JRK: variants seen among roughly 807,000 people sequenced by gnomAD.
The protein encoded by JRK is Jrk helix-turn-helix protein.
For synonymous variants in JRK, 303 were observed against 218.1 expected (o/e 1.39, Z -3.43); for missense variants, 720 against 509.2 (o/e 1.41, Z -3.98).
In JRK at chr8:142,664,807, T is replaced by A; in HGVS notation, c.1252A>T (p.Ile418Phe). ...VKPHNKSFAH[I>F]LELVKEGSSC... ...GAGCCTTCCTTCACAAGCTCCAGGA[T>A]GTGTGCAAAGGACTTGTTGTGGGGC... is the stretch of plus-strand genomic sequence containing the variant. The change falls in exon 2 of 2, where the codon ATC becomes TTC. Residue 418 changes from isoleucine to phenylalanine, a missense_variant. Transcript: ENST00000612905. The A allele has an allele frequency of 6.3e-7, 1 of 1,598,118 alleles. No homozygotes were observed. The highest frequency in any genetic ancestry group is 8.5e-7 in the Non-Finnish European group (1 of 1,172,714).
the JRK span, among the ~76,000 whole-genome samples, chr8:142,647,447 G>C: frequency 2.0e-5 from 3 of 152,146 alleles, no homozygotes; most frequent in Non-Finnish European, 1.5e-5. Flanking sequence ...GAGGAACCTG[G>C]TGGGAGGTAA....
At position 142,664,024 on chromosome 8, in the gene JRK, C is replaced by A; in HGVS notation, c.*328G>T. 1 of 1,130,422 alleles carries A rather than the reference C, an allele frequency of 8.8e-7. No individual in the cohort carries two copies. The highest frequency in any genetic ancestry group is 1.1e-6 in the Non-Finnish European group (1 of 922,258). The allele number at this position is 1,130,422 out of a possible 1,614,324, so 70.0% of individuals were successfully genotyped here. A position where few individuals can be genotyped will look rare whatever the true frequency, so the allele number is the denominator to read the frequency against. Reference sequence around the variant, plus strand: ...CTCTGATACTGCAATGATCAGCCAGCGAACACGAGACCAGATCGGCTCAGC... The same window carrying A: ...CTCTGATACTGCAATGATCAGCCAGAGAACACGAGACCAGATCGGCTCAGC... On this transcript the variant is annotated 3_prime_UTR_variant, in exon 2 of 2. Transcript: ENST00000612905.
Position 142,662,753 on chromosome 8 carries a change from T to G in JRK, c.*1599A>C. On this transcript the variant is annotated 3_prime_UTR_variant, in exon 2 of 2. Transcript: ENST00000612905. ...TCCTTCATGAGAACAGAGGTTTCAG[T>G]GGAATCAACAGCAGACGCTGGAATG... 1 of 985,350 alleles carries G rather than the reference T, an allele frequency of 1.0e-6. No individual in the cohort carries two copies. The highest frequency in any genetic ancestry group is 1.2e-6 in the Non-Finnish European group (1 of 829,918). 61.0% of individuals were successfully genotyped at this position (985,350 alleles called of 1,614,324 possible).
In JRK at chr8:142,663,191, T is replaced by C; in HGVS notation, c.*1161A>G. The C allele has an allele frequency of 1.0e-6, 1 of 985,410 alleles. No homozygotes were observed. The highest frequency in any genetic ancestry group is 4.7e-5 in the South Asian group (1 of 21,280). 61.0% of individuals were successfully genotyped at this position (985,410 alleles called of 1,614,324 possible). A position where few individuals can be genotyped will look rare whatever the true frequency, so the allele number is the denominator to read the frequency against. On this transcript the variant is annotated 3_prime_UTR_variant, in exon 2 of 2. Transcript: ENST00000612905. ...GACAATGCACCTATTTTATGCTCGC[T>C]GAAAGACGAGGCTAATCACTGTGGA... is the stretch of plus-strand genomic sequence containing the variant.
At position 142,664,395 on chromosome 8, in the gene JRK, G is replaced by A; in HGVS notation, c.1664C>T (p.Ala555Val). Reference sequence around the variant, plus strand: ...GGATGAGCAGGGCAAGGGAGACTGAGCTGTGGCCCCACAGCCACCAGGGCC... The same window carrying A: ...GGATGAGCAGGGCAAGGGAGACTGAACTGTGGCCCCACAGCCACCAGGGCC... ...QEGPGGCGAT[A>V]QSPLPCSSTA... Residue 555 changes from alanine to valine, a missense_variant, in exon 2 of 2, where the codon GCT becomes GTT. Physicochemically the swap from Ala to Val is moderately conservative, Grantham distance 64. Coordinates refer to ENST00000612905, the MANE Select transcript of JRK (RefSeq NM_003724.4). The A allele has an allele frequency of 6.3e-7, 1 of 1,594,696 alleles. No homozygotes were observed. The highest frequency in any genetic ancestry group is 2.2e-5 in the East Asian group (1 of 44,490).
In JRK at chr8:142,661,350, C is replaced by T; in HGVS notation, c.*3002G>A. On this transcript the variant is annotated 3_prime_UTR_variant, in exon 2 of 2. Coordinates refer to ENST00000612905, the MANE Select transcript of JRK (RefSeq NM_003724.4). ...CCCTGAAAGTATGGCCTCTCCTGGG[C>T]ATCCCGAGGGATGGGAGCTCCCAGA... The T allele has an allele frequency of 1.0e-6, 1 of 985,514 alleles. No individual in the cohort carries two copies. The highest frequency in any genetic ancestry group is 1.2e-6 in the Non-Finnish European group (1 of 829,986). 61.0% of individuals were successfully genotyped at this position (985,514 alleles called of 1,614,324 possible).
rs942105189 is a variant in JRK, at chr8:142,662,044, G to A, written c.*2308C>T. 34 of 985,348 alleles carry A rather than the reference G, an allele frequency of 3.5e-5. 3 individuals are homozygous for A. The Admixed American group carries it at 1.5e-3, about 45-fold the overall frequency. The allele number at this position is 985,348 out of a possible 1,614,324, so 61.0% of individuals were successfully genotyped here. A position where few individuals can be genotyped will look rare whatever the true frequency, so the allele number is the denominator to read the frequency against. On this transcript the variant is annotated 3_prime_UTR_variant, in exon 2 of 2. Transcript: ENST00000612905. ...AGGAGGAGCAGGGCCCGAGTCCCCTGGGTGGCACAAGGGATTCCAGCCACA... is the reference window on the plus strand; with the variant it reads ...AGGAGGAGCAGGGCCCGAGTCCCCTAGGTGGCACAAGGGATTCCAGCCACA...
chr8:142,660,181 C>T lies in JRK; in HGVS notation c.*4171G>A. On this transcript the variant is annotated 3_prime_UTR_variant, in exon 2 of 2. Transcript: ENST00000612905. The stretch of plus-strand genomic sequence containing the variant: ...TCCCAGTAGGCAGCTGAGTCCAACG[C>T]AGTGCCCGAGAGCTCAGCCCTTGTC... The T allele has an allele frequency of 1.0e-6, 1 of 985,610 alleles. No homozygotes were observed. The highest frequency in any genetic ancestry group is 1.2e-6 in the Non-Finnish European group (1 of 830,052). 61.1% of individuals were successfully genotyped at this position (985,610 alleles called of 1,614,324 possible). A position where few individuals can be genotyped will look rare whatever the true frequency, so the allele number is the denominator to read the frequency against.
the JRK span, among the ~76,000 whole-genome samples, chr8:142,652,187 G>T: frequency 6.6e-6 from 1 of 152,164 alleles, no homozygotes; most frequent in Non-Finnish European, 1.5e-5. Flanking sequence ...TCAAAGGTCA[G>T]AGGCACCTCC....
In JRK at chr8:142,665,018, C is replaced by T. The variant is rs374859514; in HGVS notation, c.1041G>A (p.Pro347=). The change falls in exon 2 of 2, where the codon CCG becomes CCA. Residue 347 remains proline, a synonymous_variant. Coordinates refer to ENST00000612905, the MANE Select transcript of JRK (RefSeq NM_003724.4). The part of the protein sequence containing the change: ...RDFMRNFINP[P]VPLQGPHARY... ...GGGCGTGGGGGCCCTGCAGGGGGAC[C>T]GGAGGGTTAATGAAGTTCCTCATGA... 1.0e-4 allele frequency: 72 copies of T among 715,866 alleles called. No homozygotes were observed. Among genetic ancestry groups the T allele is most frequent in the African/African-American group, 4.9e-4 (28 of 57,346 alleles). 44.3% of individuals were successfully genotyped at this position (715,866 alleles called of 1,614,324 possible).
Position 142,666,256 on chromosome 8 carries a change from G to A in JRK, c.-198C>T. 1 of 891,354 alleles carries A rather than the reference G, an allele frequency of 1.1e-6. No homozygotes were observed. The highest frequency in any genetic ancestry group is 2.7e-5 in the East Asian group (1 of 37,296). 55.2% of individuals were successfully genotyped at this position (891,354 alleles called of 1,614,324 possible). ...CCACACGCTGCACCTCCTGCCTCAG[G>A]TATCCCTGGTCTTCCAGGCTCCACA... On this transcript the variant is annotated 5_prime_UTR_variant, in exon 2 of 2. Transcript: ENST00000612905.
chr8:142,665,946 C>A lies in JRK; in HGVS notation c.113G>T (p.Arg38Leu). 1 of 898,408 alleles carries A rather than the reference C, an allele frequency of 1.1e-6. No individual in the cohort carries two copies. The highest frequency in any genetic ancestry group is 2.4e-5 in the East Asian group (1 of 41,748). 55.7% of individuals were successfully genotyped at this position (898,408 alleles called of 1,614,324 possible). Residue 38 changes from arginine to leucine, a missense_variant, in exon 2 of 2, where the codon CGG (arginine) becomes CTG (leucine). By Grantham distance (102) the Arg-to-Leu change is moderately radical. Coordinates refer to ENST00000612905, the MANE Select transcript of JRK (RefSeq NM_003724.4). ...ICTRLEKGESRKALMQEYNVG... is the reference protein window; with the variant it reads ...ICTRLEKGESLKALMQEYNVG... ...ATTGTACTCCTGCATCAGTGCCTTC[C>A]GGCTCTCGCCCTTCTCCAGGCGCGT... is the stretch of plus-strand genomic sequence containing the variant.
At chr8:142,645,693 AT>A in the JRK span, among the ~76,000 whole-genome samples, 67 of 139,980 alleles carry the variant, frequency 4.8e-4, no homozygotes, top group South Asian at 1.1e-3. Flanking sequence ...AAAAAAAAAT[AT>A]ATATATACAT....
the JRK span, among the ~76,000 whole-genome samples, chr8:142,645,112 AGTTT>A: frequency 1.2e-4 from 19 of 152,276 alleles, no homozygotes; most frequent in African/African-American, 4.3e-4. Context: ...TCAGGAATGC[AGTTT>A]ATTTTGAATG....
Position 142,663,735 on chromosome 8 carries a change from G to C in JRK, c.*617C>G. The C allele has an allele frequency of 1.0e-6, 1 of 985,512 alleles. No homozygotes were observed. Among genetic ancestry groups the C allele is most frequent in the Non-Finnish European group, 1.2e-6 (1 of 829,976 alleles). The allele number at this position is 985,512 out of a possible 1,614,324, so 61.0% of individuals were successfully genotyped here. A position where few individuals can be genotyped will look rare whatever the true frequency, so the allele number is the denominator to read the frequency against. On this transcript the variant is annotated 3_prime_UTR_variant, in exon 2 of 2. Coordinates refer to ENST00000612905, the MANE Select transcript of JRK (RefSeq NM_003724.4). ...CAGGATCTGCGGGTAACAGAGGATGGTTCCAGAGTCATTCTGCTGAATGAG... is the reference window on the plus strand; with the variant it reads ...CAGGATCTGCGGGTAACAGAGGATGCTTCCAGAGTCATTCTGCTGAATGAG...
the JRK span, among the ~76,000 whole-genome samples, chr8:142,651,132 C>A: frequency 6.6e-6 from 1 of 151,860 alleles, no homozygotes; most frequent in African/African-American, 2.4e-5. Context: ...AAGAAAAAAA[C>A]CTTTGTTCAA....
the JRK span, among the ~76,000 whole-genome samples, chr8:142,645,461 CG>C: frequency 6.6e-6 from 1 of 152,022 alleles, no homozygotes; most frequent in Non-Finnish European, 1.5e-5. Flanking sequence ...GGGCGGATCA[CG>C]AGGTCAGGAG....
At chr8:142,654,520 C>G (rs1846715617), downstream of JRK, among the ~76,000 whole-genome samples, 1 of 151,968 alleles carries the variant, frequency 6.6e-6, no homozygotes, top group African/African-American at 2.4e-5. Context: ...CACCCTACCC[C>G]CAGGGCTACC....
rs374889113 is a variant in JRK, at chr8:142,662,023, G to C, written c.*2329C>G. 4 of 985,498 alleles carry C rather than the reference G, an allele frequency of 4.1e-6. No individual in the cohort carries two copies. Among genetic ancestry groups the C allele is most frequent in the East Asian group, 2.3e-4 (2 of 8,798 alleles). The allele number at this position is 985,498 out of a possible 1,614,324, so 61.0% of individuals were successfully genotyped here. A position where few individuals can be genotyped will look rare whatever the true frequency, so the allele number is the denominator to read the frequency against. ...GCCCAGGTGAGGAGGGGCTGCAGGA[G>C]GAGCAGGGCCCGAGTCCCCTGGGTG... is the stretch of plus-strand genomic sequence containing the variant. On this transcript the variant is annotated 3_prime_UTR_variant, in exon 2 of 2. Coordinates refer to ENST00000612905, the MANE Select transcript of JRK (RefSeq NM_003724.4).
Sources: allele counts gnomAD v4.1 joint callset (sites outside exome capture counted in the v4.1 genomes callset), GRCh38; gene constraint gnomAD v4.1.1; transcripts MANE v1.5; gene names NCBI Gene and HGNC (gene_info 2026-07-23, HGNC 2026-07-21).